Variants in PRRC2B observed in about 807,000 individuals in gnomAD.
PRRC2B encodes the protein proline rich coiled-coil 2B.
Under a neutral mutation model 242.3 loss-of-function variants are expected in PRRC2B, and 68 were observed. The ratio of observed to expected loss-of-function variants is 0.28; its 90% CI spans 0.23 to 0.34. PRRC2B has a LOEUF of 0.34. Among genes scored for constraint, PRRC2B ranks in the 10% least tolerant of loss-of-function variants. The pLI is 1.00. For missense variants in PRRC2B, 2,835 were observed against 2,954.8 expected (o/e 0.96, Z 0.94); for synonymous variants, 1,228 against 1,173.6 (o/e 1.05, Z -0.95).
At chr9:131,478,116 G>A (rs1167509997) in intron 17 of PRRC2B, among the ~76,000 whole-genome samples, 167 bp downstream of exon 17, 1 of 152,158 alleles carries the variant, frequency 6.6e-6, no homozygotes, top group Non-Finnish European at 1.5e-5. Context: ...AGAGTAGGTA[G>A]GATTCCCACC....
At chr9:131,457,542 A>G (rs1368617837) in intron 10 of PRRC2B, among the ~76,000 whole-genome samples, 5 of 152,192 alleles carry the variant, frequency 3.3e-5, no homozygotes, top group African/African-American at 1.2e-4. Flanking sequence ...GACTTAGTGC[A>G]TGCATCCATG....
intron 1 of PRRC2B, among the ~76,000 whole-genome samples, chr9:131,418,370 T>C (rs1837713998): frequency 6.6e-6 from 1 of 152,056 alleles, no homozygotes; most frequent in South Asian, 2.1e-4. Flanking sequence ...CCCCAGAGAG[T>C]GTTTACCTAG....
intron 1 of PRRC2B, among the ~76,000 whole-genome samples, chr9:131,377,801 G>A (rs1836706651): frequency 6.6e-6 from 1 of 152,166 alleles, no homozygotes; most frequent in African/African-American, 2.4e-5. Context: ...TCTCGCCCAG[G>A]CTAGAGTGCA....
chr9:131,491,698 C>A (rs1166030533), intron 29 of PRRC2B, 118 bp downstream of exon 29: 24 of 1,004,166 alleles, frequency 2.4e-5, no homozygotes, highest in Non-Finnish European at 3.3e-5. Context: ...ACTGCCAGGG[C>A]AGAAAGGAAG....
At position 131,482,481 on chromosome 9, in the gene PRRC2B, A is replaced by G. The variant is rs371996674; in HGVS notation, c.5094A>G (p.Pro1698=). ...GCTCCCCATATGGGACTCTGAAGCC[A>G]GAGGAGATGAGCGGGCCCGGCCTGG... ...QRSSPYGTLK[P]EEMSGPGLAE... Residue 1698 remains proline (P), a synonymous_variant, in exon 21 of 32, where the codon CCA becomes CCG. Transcript: ENST00000683519. This position sits in a 1 kb window ranked among gnomAD's most constrained non-coding sequence, Gnocchi z 5.2. The G allele has an allele frequency of 1.9e-6, 3 of 1,612,154 alleles. No homozygotes were observed. The highest frequency in any genetic ancestry group is 2.5e-6 in the Non-Finnish European group (3 of 1,178,416).
chr9:131,447,945 A>C, intron 9 of PRRC2B, 141 bp downstream of exon 9: 3 of 768,050 alleles, frequency 3.9e-6, no homozygotes, highest in Non-Finnish European at 5.7e-6. Context: ...AGCAGACCTG[A>C]TGCCCTCCTT....
intron 17 of PRRC2B, among the ~76,000 whole-genome samples, chr9:131,478,193 G>A (rs1266075835): frequency 6.7e-6 from 1 of 149,192 alleles, no homozygotes; most frequent in Non-Finnish European, 1.5e-5. Context: ...AAGAGAGGAA[G>A]CCTGGGGCCC....
intron 29 of PRRC2B, 60 bp downstream of exon 29, chr9:131,491,640 C>T: frequency 6.8e-7 from 1 of 1,469,508 alleles, no homozygotes; most frequent in South Asian, 1.3e-5. Flanking sequence ...CCAACTTTTT[C>T]TAGCAAGCTA....
At chr9:131,422,765 T>C (rs1168389906) in intron 1 of PRRC2B, among the ~76,000 whole-genome samples, 3 of 152,236 alleles carry the variant, frequency 2.0e-5, no homozygotes, top group African/African-American at 7.2e-5. Context: ...GGCGAATCTT[T>C]CTGGTTGTTT....
chr9:131,457,998 G>A (rs186623657), intron 10 of PRRC2B, among the ~76,000 whole-genome samples: 2 of 151,950 alleles, frequency 1.3e-5, no homozygotes, highest in South Asian at 2.1e-4. Flanking sequence ...CAGTATTACC[G>A]GGCCCTTGCA....
Position 131,473,551 on chromosome 9 carries a change from A to T in PRRC2B, c.2151A>T (p.Thr717=), listed in dbSNP as rs374233753. 35 of 1,609,658 alleles carry T rather than the reference A, an allele frequency of 2.2e-5. No individual in the cohort carries two copies. Among genetic ancestry groups the T allele is most frequent in the Non-Finnish European group, 2.7e-5 (32 of 1,178,100 alleles). The change falls in exon 15 of 32, where the codon ACA becomes ACT. Residue 717 remains threonine (T), a synonymous_variant. Coordinates refer to ENST00000683519, the MANE Select transcript of PRRC2B (RefSeq NM_013318.4). ...TGCCCCAGGAGTCCCTCAATGGGAC[A>T]GGCTGTCGCTCTGAGGATCAGAACT... ...PMMPQESLNG[T]GCRSEDQNCV...
chr9:131,420,499 T>TCC (rs889470295), intron 1 of PRRC2B, among the ~76,000 whole-genome samples: 8 of 84,544 alleles, frequency 9.5e-5, no homozygotes, highest in South Asian at 3.7e-4. Context: ...CTTTCTTTTT[T>TCC]TTTTTTTTTT....
At chr9:131,490,047 C>T (rs1944143407) in intron 28 of PRRC2B, among the ~76,000 whole-genome samples, 1 of 152,138 alleles carries the variant, frequency 6.6e-6, no homozygotes, top group Admixed American at 6.5e-5. Flanking sequence ...TCTCCTCACT[C>T]CCAAATGGAC....
chr9:131,459,447 T>C (rs1223160311), intron 11 of PRRC2B, 91 bp downstream of exon 11: 1 of 1,044,638 alleles, frequency 9.6e-7, no homozygotes, highest in African/African-American at 1.6e-5. Flanking sequence ...CATTTCTTTT[T>C]CATTTTTATA....
At chr9:131,448,550 A>AAAAAAAAAAAAAC (rs1838894881) in intron 9 of PRRC2B, among the ~76,000 whole-genome samples, 2 of 111,272 alleles carry the variant, frequency 1.8e-5, no homozygotes, top group African/African-American at 7.0e-5. Flanking sequence ...TCTCAAAAAA[A>AAAAAAAAAAAAAC]AAAAAAAAAA....
chr9:131,380,875 G>A (rs10901058), intron 1 of PRRC2B, among the ~76,000 whole-genome samples: 69,297 of 122,476 alleles, frequency 0.57, 19,912 homozygotes, highest in East Asian at 0.88. Flanking sequence ...GACAGTGTGA[G>A]ATTCTGTCTC....
At position 131,475,112 on chromosome 9, in the gene PRRC2B, C is replaced by A. The variant is rs1387063497; in HGVS notation, c.2983C>A (p.Leu995Met). The change falls in exon 16 of 32, where the codon CTG becomes ATG. Residue 995 changes from leucine (L) to methionine (M), a missense_variant. Leu to Met is a conservative substitution (Grantham distance 15). Around this residue, in one of 7 missense-constraint regions of PRRC2B, gnomAD observed 1,536 missense variants for 1,483.1 expected, o/e 1.04. Coordinates refer to ENST00000683519, the MANE Select transcript of PRRC2B (RefSeq NM_013318.4). The part of the protein sequence containing the change: ...KDEDEENDAS[L>M]ANSSTTTLED... ...TGAGGACGAAGAGAACGATGCCTCT[C>A]TGGCCAACTCCTCCACCACCACTTT... is the stretch of plus-strand genomic sequence containing the variant. 1.2e-6 allele frequency: 2 copies of A among 1,611,728 alleles called. No homozygotes were observed. The highest frequency in any genetic ancestry group is 1.3e-5 in the African/African-American group (1 of 74,926).
intron 1 of PRRC2B, among the ~76,000 whole-genome samples, chr9:131,425,139 C>T (rs751936851): frequency 5.9e-5 from 9 of 152,108 alleles, no homozygotes; most frequent in Non-Finnish European, 8.8e-5. Flanking sequence ...GCGTGCACCA[C>T]CATGCCTGGC....
chr9:131,495,630 A>C (rs997993875), intron 31 of PRRC2B, 110 bp from the exon 32 acceptor site: 1 of 1,279,402 alleles, frequency 7.8e-7, no homozygotes, highest in Non-Finnish European at 1.1e-6. Context: ...CTGACAACTT[A>C]GGGGAGCTTT....
Sources: gnomAD v4.1 joint callset for allele counts (sites outside exome capture counted in the v4.1 genomes callset) on GRCh38, gnomAD v4.1.1 for gene constraint, gnomAD v4.1.1 regional missense constraint, Gnocchi (gnomAD v3.1) non-coding constraint, MANE v1.5 for transcripts, NCBI Gene and HGNC (gene_info 2026-07-23, HGNC 2026-07-21) for gene names.